Variants in COPS2 observed in about 807,000 individuals in gnomAD.
COPS2 encodes the protein COP9 signalosome complex subunit 2.
COPS2 carries 10 observed loss-of-function variants against 66.1 expected under a neutral mutation model. The observed-to-expected ratio is 0.15, with a 90% confidence interval of 0.09 to 0.26. The LOEUF (loss-of-function observed/expected upper bound fraction) is 0.26, where lower values mean the gene tolerates loss of function less well. Ranked by LOEUF, COPS2 falls within the 10% of genes least tolerant of loss-of-function variation. COPS2 has a pLI of 1.00. For synonymous variants in COPS2, 179 were observed against 171.3 expected, an observed-to-expected ratio of 1.04 and a Z score of -0.35; for missense variants, 215 against 513.3, an observed-to-expected ratio of 0.42 and a Z score of 5.62.
intron 1 of COPS2, among the ~76,000 whole-genome samples, chr15:49,151,638 C>G (rs987076540): frequency 6.6e-6 from 1 of 151,928 alleles, no homozygotes; most frequent in Non-Finnish European, 1.5e-5. Flanking sequence ...AGCAAATAAT[C>G]TATAAACCTG....
chr15:49,130,166 T>TAA (rs1394987062), intron 10 of COPS2, among the ~76,000 whole-genome samples: 1 of 152,160 alleles, frequency 6.6e-6, no homozygotes, highest in African/African-American at 2.4e-5. Context: ...AATGGTCATT[T>TAA]AAAAACCTTC....
At position 49,144,983 on chromosome 15, in the gene COPS2, T is replaced by C; in HGVS notation, c.150A>G (p.Ala50=). 6 of 1,587,248 alleles carry C rather than the reference T, an allele frequency of 3.8e-6. No homozygotes were observed. Among genetic ancestry groups the C allele is most frequent in the Non-Finnish European group, 5.1e-6 (6 of 1,169,808 alleles). ...TATAAACCTTTTGGAAACTGCTTAATGCCGCTTTTGGGTCATCTTCTTTTA... is the reference window on the plus strand; with the variant it reads ...TATAAACCTTTTGGAAACTGCTTAACGCCGCTTTTGGGTCATCTTCTTTTA... The part of the protein sequence containing the change: ...KALKEDDPKA[A]LSSFQKVLEL... Residue 50 remains alanine, a synonymous_variant, in exon 2 of 13, where the codon GCA becomes GCG. Coordinates refer to ENST00000388901, the MANE Select transcript of COPS2 (RefSeq NM_004236.4).
At chr15:49,133,618 A>G (rs2084231302) in intron 9 of COPS2, 141 bp downstream of exon 9, 1 of 585,286 alleles carries the variant, frequency 1.7e-6, no homozygotes, top group Admixed American at 3.5e-5. Flanking sequence ...TAACCTCAGA[A>G]GATAAAAATT....
intron 9 of COPS2, among the ~76,000 whole-genome samples, chr15:49,132,166 CTTAG>C (rs1350942845): frequency 1.3e-5 from 2 of 151,940 alleles, no homozygotes; most frequent in African/African-American, 4.8e-5. Flanking sequence ...AACTTTGGTT[CTTAG>C]TTAATGTGAC....
intron 1 of COPS2, among the ~76,000 whole-genome samples, chr15:49,145,515 T>A (rs1417262123): frequency 1.3e-5 from 2 of 152,160 alleles, no homozygotes; most frequent in African/African-American, 4.8e-5. Flanking sequence ...ATTTCATTAT[T>A]GTAACACGGT....
At chr15:49,147,474 C>G (rs2084328957) in intron 1 of COPS2, among the ~76,000 whole-genome samples, 1 of 152,000 alleles carries the variant, frequency 6.6e-6, no homozygotes, top group South Asian at 2.1e-4. Context: ...AACAGTAGGA[C>G]TAGTATTTTG....
chr15:49,144,151 T>A (rs554388887), intron 3 of COPS2, 76 bp downstream of exon 3: 1 of 903,700 alleles, frequency 1.1e-6, no homozygotes, highest in Non-Finnish European at 1.8e-6. Context: ...GAAAAGAAGA[T>A]ATAATAGTAC....
At chr15:49,148,346 C>G (rs1479308627) in intron 1 of COPS2, among the ~76,000 whole-genome samples, 2 of 152,042 alleles carry the variant, frequency 1.3e-5, no homozygotes, top group East Asian at 3.9e-4. Flanking sequence ...ACTAAGTCCA[C>G]TGGCATCTCA....
chr15:49,144,186 A>G (rs200097156), intron 3 of COPS2, 41 bp downstream of exon 3: 9 of 1,315,280 alleles, frequency 6.8e-6, no homozygotes, highest in Non-Finnish European at 9.9e-6. Context: ...GTTTTTACCT[A>G]CAAAATTTAT....
intron 1 of COPS2, among the ~76,000 whole-genome samples, chr15:49,145,878 AATT>A (rs1166723949): frequency 2.0e-5 from 3 of 152,166 alleles, no homozygotes; most frequent in African/African-American, 7.2e-5. Context: ...GTATAATGGA[AATT>A]ATTATCTTAT....
intron 3 of COPS2, 71 bp downstream of exon 3, chr15:49,144,156 T>C (rs2084306854): frequency 5.4e-6 from 5 of 927,796 alleles, no homozygotes; most frequent in Non-Finnish European, 8.8e-6. Flanking sequence ...GAAGATATAA[T>C]AGTACTTTGT....
At chr15:49,139,741 A>C in intron 3 of COPS2, 88 bp from the exon 4 acceptor site, 1 of 952,022 alleles carries the variant, frequency 1.1e-6, no homozygotes, top group Admixed American at 2.5e-5. Context: ...ACACTACTAC[A>C]TAATGAAATG....
At chr15:49,152,530 G>C (rs1015839362) in intron 1 of COPS2, among the ~76,000 whole-genome samples, 1 of 152,068 alleles carries the variant, frequency 6.6e-6, no homozygotes, top group Non-Finnish European at 1.5e-5. Context: ...AAATAAAAAA[G>C]TTAAAACAAG....
chr15:49,140,107 C>T lies in COPS2; in HGVS notation c.247-454G>A, dbSNP rs113222459. Among the ~76,000 whole-genome samples the T allele has an allele frequency of 5.4e-4, 82 of 152,182 alleles. 1 individual carries two copies. The highest frequency in any genetic ancestry group is 1.9e-3 in the African/African-American group (78 of 41,532). The stretch of plus-strand genomic sequence containing the variant: ...GTTCAAGCGATTCTCCTGCCTCAGC[C>T]CTCCAAGTAGCTGGGATTACAGGCA... On this transcript the variant is annotated intron_variant, in intron 3 of 12. Transcript: ENST00000388901.
At chr15:49,152,752 G>A (rs1477110827) in intron 1 of COPS2, among the ~76,000 whole-genome samples, 2 of 152,128 alleles carry the variant, frequency 1.3e-5, no homozygotes, top group Non-Finnish European at 2.9e-5. Flanking sequence ...GAACCTGGGA[G>A]GCGGAGGTTG....
chr15:49,131,235 T>A (rs2084206126), intron 9 of COPS2, among the ~76,000 whole-genome samples: 1 of 152,078 alleles, frequency 6.6e-6, no homozygotes, highest in Admixed American at 6.6e-5. Flanking sequence ...CATGAAGGGG[T>A]GTAGCCTCGT....
chr15:49,151,289 A>G (rs905338939), intron 1 of COPS2, among the ~76,000 whole-genome samples: 1 of 151,738 alleles, frequency 6.6e-6, no homozygotes, highest in Non-Finnish European at 1.5e-5. Flanking sequence ...GGTCCCAGCT[A>G]TTCAGGAGGT....
intron 9 of COPS2, among the ~76,000 whole-genome samples, chr15:49,132,198 A>C: frequency 6.6e-6 from 1 of 152,202 alleles, no homozygotes; most frequent in Non-Finnish European, 1.5e-5. Flanking sequence ...GAATGAAATA[A>C]ACTATCTGAA....
intron 6 of COPS2, among the ~76,000 whole-genome samples, chr15:49,136,942 T>C (rs946473459): frequency 1.3e-5 from 2 of 151,772 alleles, no homozygotes; most frequent in African/African-American, 2.4e-5. Context: ...TGAGCCAAGA[T>C]CGCACCACTG....
Sources: allele counts gnomAD v4.1 joint callset (sites outside exome capture counted in the v4.1 genomes callset), GRCh38; gene constraint gnomAD v4.1.1; transcripts MANE v1.5; gene names NCBI Gene and HGNC (gene_info 2026-07-23, HGNC 2026-07-21).